The following ASDURF variants were observed in gnomAD, a reference collection of about 807,000 sequenced individuals.
ASDURF encodes ASNSD1 upstream open reading frame, also known as ASDURF protein.
ASDURF carries 3 observed loss-of-function variants against 3.3 expected under a neutral mutation model. That is an observed-to-expected ratio of 0.92 (90% confidence interval 0.42 to 2.37). The LOEUF (loss-of-function observed/expected upper bound fraction) is 2.37. Ranked by LOEUF, ASDURF falls within the 30% of genes most tolerant of loss-of-function variation. ASDURF has a pLI of 0.05. For missense variants in ASDURF, 23 were observed against 25.4 expected (o/e 0.90, Z 0.21); for synonymous variants, 11 against 8.3 (o/e 1.32, Z -0.55).
intron 1 of ASDURF, 75 bp from the exon 2 acceptor site, chr2:189,663,826 A>G: frequency 2.7e-6 from 1 of 363,802 alleles, no homozygotes; most frequent in Non-Finnish European, 4.9e-6. Flanking sequence ...TAATTTTAAA[A>G]CAACCCCTTA....
At chr2:189,662,316 C>T (rs2032686688) in intron 1 of ASDURF, among the ~76,000 whole-genome samples, 1 of 152,226 alleles carries the variant, frequency 6.6e-6, no homozygotes, top group Non-Finnish European at 1.5e-5. Context: ...TCAGGTATTA[C>T]ATGTCCTAGA....
rs2032666427 is a variant in ASDURF at position 189,661,618 on chromosome 2, TGAGACGC to T, written c.90+11_90+17del. The T allele has an allele frequency of 2.5e-6, 1 of 399,130 alleles. No homozygotes were observed. Among genetic ancestry groups the T allele is most frequent in the Non-Finnish European group, 4.4e-6 (1 of 226,278 alleles). 24.7% of individuals were successfully genotyped at this position (399,130 alleles called of 1,614,324 possible). Reference sequence around the variant, plus strand: ...GAGGATCTAAGCAGCAAGGTGAGTGTGAGACGCGACGAAAAGGCTCCTGGACTCGGGA... The same window carrying T: ...GAGGATCTAAGCAGCAAGGTGAGTGTGACGAAAAGGCTCCTGGACTCGGGA... On this transcript the variant is annotated intron_variant, in intron 1 of 3. Transcript: ENST00000607829.
chr2:189,664,249 G>C (rs540680508), intron 2 of ASDURF, among the ~76,000 whole-genome samples: 4 of 152,064 alleles, frequency 2.6e-5, no homozygotes, highest in Non-Finnish European at 5.9e-5. Context: ...ACCTGAATTT[G>C]ATGTTTTCTT....
rs1032820969 is a variant in ASDURF, at chr2:189,662,963, A to G, written c.91-938A>G. On this transcript the variant is annotated intron_variant, in intron 1 of 3. Transcript: ENST00000607829. ...GACCCTGTTTCAAAAAAAAAAAAAA[A>G]AAAAAAGCCCAGTTCAACAGTGCCA... Among the ~76,000 whole-genome samples, 4 of 151,392 alleles carry G rather than the reference A, an allele frequency of 2.6e-5. No individual in the cohort carries two copies. In the Middle Eastern group the frequency reaches 0.01, roughly 386 times the overall value.
chr2:189,665,611 T>C (rs1352785835), intron 3 of ASDURF, among the ~76,000 whole-genome samples, 160 bp downstream of exon 3: 1 of 19,972 alleles, frequency 5.0e-5, no homozygotes, highest in African/African-American at 8.6e-5. Flanking sequence ...TATATATATA[T>C]ATATATATAT....
intron 1 of ASDURF, among the ~76,000 whole-genome samples, chr2:189,662,112 C>A (rs1168029593): frequency 6.6e-6 from 1 of 152,230 alleles, no homozygotes; most frequent in Non-Finnish European, 1.5e-5. Flanking sequence ...CCGGCAAGGC[C>A]TTCCTAAGCG....
chr2:189,665,644 A>ATATATATATATATG (rs1455945789), intron 3 of ASDURF, among the ~76,000 whole-genome samples, 193 bp downstream of exon 3: 5 of 123,754 alleles, frequency 4.0e-5, no homozygotes, highest in East Asian at 4.8e-4. Flanking sequence ...ATATATATAT[A>ATATATATATATATG]TATTATAAAT....
intron 2 of ASDURF, among the ~76,000 whole-genome samples, chr2:189,664,889 T>G (rs372073504): frequency 4.0e-4 from 61 of 152,352 alleles, no homozygotes; most frequent in African/African-American, 1.4e-3. Context: ...GAGAGAATCA[T>G]GGTAGTGCAC....
rs908015636 is a variant in ASDURF, at chr2:189,665,619, T to C, written c.220+168T>C. Among the ~76,000 whole-genome samples, 13 of 112,772 alleles carry C rather than the reference T, an allele frequency of 1.2e-4. 1 individual carries two copies. Among genetic ancestry groups the C allele is most frequent in the African/African-American group, 2.1e-4 (6 of 28,340 alleles). 74.0% of individuals were successfully genotyped at this position (112,772 alleles called of 152,430 possible). The stretch of plus-strand genomic sequence containing the variant: ...ATGTGTATATATATATATATATATA[T>C]ATATATATATATATATATATATATA... On this transcript the variant is annotated intron_variant, in intron 3 of 3. Coordinates refer to ENST00000607829, the MANE Select transcript of ASDURF (RefSeq NM_001353493.2).
In ASDURF at chr2:189,665,651, A is replaced by T. The variant is rs1392207926; in HGVS notation, c.220+200A>T. Among the ~76,000 whole-genome samples the T allele has an allele frequency of 1.5e-5, 2 of 130,802 alleles. 1 individual carries two copies. Among genetic ancestry groups the T allele is most frequent in the Admixed American group, 1.6e-4 (2 of 12,746 alleles). The allele number at this position is 130,802 out of a possible 152,430, so 85.8% of individuals were successfully genotyped here. A position where few individuals can be genotyped will look rare whatever the true frequency, so the allele number is the denominator to read the frequency against. Reference sequence around the variant, plus strand: ...ATATATATATATATATATATATTATAAATGTTTTAGAAAGCAATAGTTATT... The same window carrying T: ...ATATATATATATATATATATATTATTAATGTTTTAGAAAGCAATAGTTATT... On this transcript the variant is annotated intron_variant, in intron 3 of 3. Transcript: ENST00000607829.
At chr2:189,665,644 A>ATATATATATATATATATATG (rs1455945789) in intron 3 of ASDURF, among the ~76,000 whole-genome samples, 193 bp downstream of exon 3, 3 of 123,748 alleles carry the variant, frequency 2.4e-5, no homozygotes, top group Admixed American at 8.2e-5. Flanking sequence ...ATATATATAT[A>ATATATATATATATATATATG]TATTATAAAT....
intron 3 of ASDURF, among the ~76,000 whole-genome samples, 169 bp downstream of exon 3, chr2:189,665,620 A>ATGTATATATATATATATATATG (rs1559034471): frequency 8.7e-6 from 1 of 114,334 alleles, no homozygotes; most frequent in African/African-American, 3.4e-5. Flanking sequence ...ATATATATAT[A>ATGTATATATATATATATATATG]TATATATATA....
rs1422037335 is a variant in ASDURF at position 189,661,484 on chromosome 2, G to A, written c.-37G>A. On this transcript the variant is annotated 5_prime_UTR_variant, in exon 1 of 4. Transcript: ENST00000607829. ...GTGGCTAATGCCGTAGGCTCCTTCA[G>A]GGCTGAGCCATCCCGCGTGTCTTGC... is the stretch of plus-strand genomic sequence containing the variant. The A allele has an allele frequency of 2.5e-6, 1 of 399,094 alleles. No homozygotes were observed. The allele number at this position is 399,094 out of a possible 1,614,324, so 24.7% of individuals were successfully genotyped here.
intron 3 of ASDURF, 50 bp downstream of exon 3, chr2:189,665,501 A>G (rs1349439099): frequency 2.6e-6 from 1 of 390,900 alleles, no homozygotes; most frequent in South Asian, 1.3e-4. Flanking sequence ...AATTATACTC[A>G]TCTGAGTGTT....
At chr2:189,663,444 G>T (rs1054336298) in intron 1 of ASDURF, among the ~76,000 whole-genome samples, 1 of 151,916 alleles carries the variant, frequency 6.6e-6, no homozygotes, top group Admixed American at 6.6e-5. Flanking sequence ...GTAGAGATGG[G>T]GTGTCTGCAT....
chr2:189,665,614 A>ATATACATATATATATATG (rs2032777589), intron 3 of ASDURF, among the ~76,000 whole-genome samples, 163 bp downstream of exon 3: 1 of 95,636 alleles, frequency 1.0e-5, no homozygotes, highest in African/African-American at 4.1e-5. Context: ...ATATATATAT[A>ATATACATATATATATATG]TATATATATA....
rs931174371 is a variant in ASDURF at position 189,661,503 on chromosome 2, G to A, written c.-18G>A. On this transcript the variant is annotated 5_prime_UTR_variant, in exon 1 of 4. Transcript: ENST00000607829. ...CCTTCAGGGCTGAGCCATCCCGCGT[G>A]TCTTGCGCTCGGTGGAAATGCCCAG... 5.0e-6 allele frequency: 2 copies of A among 399,248 alleles called. No homozygotes were observed. The highest frequency in any genetic ancestry group is 3.6e-5 in the East Asian group (1 of 28,078). 24.7% of individuals were successfully genotyped at this position (399,248 alleles called of 1,614,324 possible).
Position 189,661,481 on chromosome 2 carries a change from T to A in ASDURF, c.-40T>A. On this transcript the variant is annotated 5_prime_UTR_variant, in exon 1 of 4. Transcript: ENST00000607829. ...GCTGTGGCTAATGCCGTAGGCTCCT[T>A]CAGGGCTGAGCCATCCCGCGTGTCT... is the stretch of plus-strand genomic sequence containing the variant. The A allele has an allele frequency of 2.5e-6, 1 of 399,146 alleles. No individual in the cohort carries two copies. Among genetic ancestry groups the A allele is most frequent in the African/African-American group, 2.1e-5 (1 of 48,748 alleles). The allele number at this position is 399,146 out of a possible 1,614,324, so 24.7% of individuals were successfully genotyped here.
chr2:189,666,307 G>A lies in ASDURF; in HGVS notation c.*196G>A. ...TGCTCACGTCCTACACTTGAGGGGT[G>A]TTTTGACTACCCAGCCTGTGGAAGA... On this transcript the variant is annotated 3_prime_UTR_variant, in exon 4 of 4. Coordinates refer to ENST00000607829, the MANE Select transcript of ASDURF (RefSeq NM_001353493.2). 1 of 1,613,894 alleles carries A rather than the reference G, an allele frequency of 6.2e-7. No homozygotes were observed. The highest frequency in any genetic ancestry group is 8.5e-7 in the Non-Finnish European group (1 of 1,179,920).
Sources: allele counts gnomAD v4.1 joint callset (sites outside exome capture counted in the v4.1 genomes callset), GRCh38; gene constraint gnomAD v4.1.1; transcripts MANE v1.5; gene names NCBI Gene and HGNC (gene_info 2026-07-23, HGNC 2026-07-21).